KDM2B: variants seen among roughly 807,000 people sequenced by gnomAD.
The protein encoded by KDM2B is lysine-specific demethylase 2B.
Under a neutral mutation model 150.0 loss-of-function variants are expected in KDM2B, and 26 were observed. That is an observed-to-expected ratio of 0.17 (90% CI 0.13 to 0.24). KDM2B has a LOEUF of 0.24. KDM2B is among the 10% of genes least tolerant of loss of function. The pLI is 1.00. For synonymous variants in KDM2B, 734 were observed against 729.5 expected (o/e 1.01, Z -0.10); for missense variants, 1,265 against 1,816.9 (o/e 0.70, Z 5.52).
chr12:121,421,256 G>C, the KDM2B span, among the ~76,000 whole-genome samples: 2 of 151,524 alleles, frequency 1.3e-5, no homozygotes, highest in Non-Finnish European at 2.9e-5. Flanking sequence ...TCTGAACTAG[G>C]CTGGGCTTGG....
At chr12:121,472,444 G>A (rs1244006727) in intron 12 of KDM2B, among the ~76,000 whole-genome samples, 8 of 152,266 alleles carry the variant, frequency 5.3e-5, no homozygotes, top group South Asian at 2.1e-4. Flanking sequence ...AATTCCTAAT[G>A]TTACTTAATT....
chr12:121,493,632 C>T (rs1377277453), intron 12 of KDM2B, among the ~76,000 whole-genome samples: 1 of 152,148 alleles, frequency 6.6e-6, no homozygotes. Context: ...TCTTTGTGTA[C>T]TTGGCTGTCC....
chr12:121,418,550 A>AG, the KDM2B span: 1 of 152,410 alleles, frequency 6.6e-6, no homozygotes. Context: ...TCTCTGAAGA[A>AG]GGGGGTTATT....
rs77237915 is a variant in KDM2B at position 121,431,879 on chromosome 12, CT to C, written c.3830-1411del. On this transcript the variant is annotated intron_variant, in intron 22 of 22. Coordinates refer to ENST00000377071, the MANE Select transcript of KDM2B (RefSeq NM_032590.5). ...GTTTTCATGGGTTTTTTTCTTTTTT[CT>C]TTTTTTTTTTTTTTTTGGAGATGAT... Among the ~76,000 whole-genome samples, 187 of 122,368 alleles carry C rather than the reference CT, an allele frequency of 1.5e-3. 2 individuals are homozygous for C. Among genetic ancestry groups the C allele is most frequent in the East Asian group, 5.2e-3 (23 of 4,392 alleles). The allele number at this position is 122,368 out of a possible 152,430, so 80.3% of individuals were successfully genotyped here. A position where few individuals can be genotyped will look rare whatever the true frequency, so the allele number is the denominator to read the frequency against.
At position 121,549,386 on chromosome 12, in the gene KDM2B, C is replaced by T. The variant is rs1006786053; in HGVS notation, c.576+74G>A. Reference sequence around the variant, plus strand: ...ACATGAGCCTTTTTGCAAGGCACAACCCAGGTGGCAGGGGGACAGGGAAGG... The same window carrying T: ...ACATGAGCCTTTTTGCAAGGCACAATCCAGGTGGCAGGGGGACAGGGAAGG... On this transcript the variant is annotated intron_variant, in intron 5 of 22. Coordinates refer to ENST00000377071, the MANE Select transcript of KDM2B (RefSeq NM_032590.5). The surrounding 1 kb of genome is among the most constrained non-coding windows in gnomAD (Gnocchi z 4.4). 36 of 1,416,236 alleles carry T rather than the reference C, an allele frequency of 2.5e-5. No homozygotes were observed. Among genetic ancestry groups the T allele is most frequent in the Non-Finnish European group, 3.4e-5 (35 of 1,037,880 alleles). 87.7% of individuals were successfully genotyped at this position (1,416,236 alleles called of 1,614,324 possible). A position where few individuals can be genotyped will look rare whatever the true frequency, so the allele number is the denominator to read the frequency against.
intron 11 of KDM2B, 61 bp from the exon 12 acceptor site, chr12:121,494,726 T>C: frequency 3.8e-6 from 5 of 1,299,806 alleles, no homozygotes; most frequent in Non-Finnish European, 4.3e-6. Flanking sequence ...TGAAGACAGC[T>C]GAACAGCAGA....
intron 6 of KDM2B, among the ~76,000 whole-genome samples, chr12:121,547,089 C>T (rs1555310814): frequency 6.6e-6 from 1 of 152,158 alleles, no homozygotes; most frequent in Non-Finnish European, 1.5e-5. Flanking sequence ...CTAGTCCCTG[C>T]TCCCCTCCCA....
chr12:121,574,160 C>A (rs1891320267), intron 4 of KDM2B, among the ~76,000 whole-genome samples: 1 of 152,032 alleles, frequency 6.6e-6, no homozygotes, highest in African/African-American at 2.4e-5. Context: ...TGTCTAGAAC[C>A]CCAAGGAAGC....
intron 13 of KDM2B, among the ~76,000 whole-genome samples, chr12:121,450,533 A>G (rs1401203122): frequency 6.6e-6 from 1 of 152,146 alleles, no homozygotes; most frequent in Non-Finnish European, 1.5e-5. Flanking sequence ...CTGAAAGCCC[A>G]TAACATAACA....
chr12:121,411,729 G>A, the KDM2B span, among the ~76,000 whole-genome samples: 3 of 152,314 alleles, frequency 2.0e-5, no homozygotes, highest in Non-Finnish European at 4.4e-5. Context: ...GTGGAAAGAG[G>A]AGCAGGAGAA....
intron 14 of KDM2B, chr12:121,444,968 G>A (rs1489770657): frequency 4.7e-6 from 2 of 425,614 alleles, no homozygotes; most frequent in Admixed American, 4.0e-5. Flanking sequence ...GCCACCTGGA[G>A]GCGCTTCCTC....
chr12:121,451,710 G>A (rs1479807101), intron 13 of KDM2B, among the ~76,000 whole-genome samples: 3 of 152,058 alleles, frequency 2.0e-5, no homozygotes, highest in Admixed American at 2.0e-4. Context: ...TCAGGAGTTC[G>A]AGACCAGCCT....
At chr12:121,499,110 AT>A (rs68098990) in intron 11 of KDM2B, among the ~76,000 whole-genome samples, 120 of 131,050 alleles carry the variant, frequency 9.2e-4, no homozygotes, top group Middle Eastern at 3.9e-3. Flanking sequence ...CAGTCAATAA[AT>A]TTTTTTTTTT....
At chr12:121,565,596 G>A (rs1044607809) in intron 4 of KDM2B, among the ~76,000 whole-genome samples, 1 of 149,810 alleles carries the variant, frequency 6.7e-6, no homozygotes, top group African/African-American at 2.5e-5. Context: ...GAATTAAAAC[G>A]CGCGGGCCAC....
In KDM2B at chr12:121,509,817, A is replaced by G. The variant is rs200000039; in HGVS notation, c.1397T>C (p.Leu466Pro). ...AGACAAAGTCCTTTTGAGGAATCGC[A>G]GGGCAGGTGCTTTGGGCTTCTTCCC... ...ALGKKPKAPA[L>P]RFLKRTLSNE... Residue 466 changes from leucine to proline, a missense_variant, in exon 11 of 23, where the codon CTG (leucine) becomes CCG (proline). Transcript: ENST00000377071. The G allele has an allele frequency of 1.8e-4, 284 of 1,614,044 alleles. No individual in the cohort carries two copies. Among genetic ancestry groups the G allele is most frequent in the Non-Finnish European group, 2.2e-4 (265 of 1,180,022 alleles).
chr12:121,436,520 C>CAAA (rs34346956), intron 22 of KDM2B, among the ~76,000 whole-genome samples: 1 of 114,404 alleles, frequency 8.7e-6, no homozygotes. Context: ...GACTCCATCT[C>CAAA]AAAAAAAAAA....
Position 121,580,965 on chromosome 12 carries a change from A to G in KDM2B, c.-54T>C, listed in dbSNP as rs1891934280. 3 of 1,590,762 alleles carry G rather than the reference A, an allele frequency of 1.9e-6. No homozygotes were observed. Among genetic ancestry groups the G allele is most frequent in the Non-Finnish European group, 2.6e-6 (3 of 1,170,766 alleles). ...GGAAATTAGCTCGGCTTCCATACCT[A>G]TAAGGACTGCCTAACTTTTAAACTC... On this transcript the variant is annotated 5_prime_UTR_variant, in exon 1 of 23. Coordinates refer to ENST00000377071, the MANE Select transcript of KDM2B (RefSeq NM_032590.5).
the KDM2B span, among the ~76,000 whole-genome samples, chr12:121,415,083 T>A: frequency 0.31 from 46,976 of 150,214 alleles, 8,759 homozygotes; most frequent in East Asian, 0.43. Flanking sequence ...GCAACAAGAG[T>A]GAAGTTCCAT....
At chr12:121,419,964 C>G in the KDM2B span, 1 of 312,146 alleles carries the variant, frequency 3.2e-6, no homozygotes, top group South Asian at 3.7e-5. Flanking sequence ...CTTTGGCATT[C>G]CATTATGGGA....
Sources: gnomAD v4.1 joint callset for allele counts (sites outside exome capture counted in the v4.1 genomes callset) on GRCh38, gnomAD v4.1.1 for gene constraint, Gnocchi (gnomAD v3.1) non-coding constraint, MANE v1.5 for transcripts, NCBI Gene and HGNC (gene_info 2026-07-23, HGNC 2026-07-21) for gene names.